Variants in YKT6 observed in about 807,000 individuals in gnomAD.
YKT6 encodes synaptobrevin homolog YKT6.
Under a neutral mutation model 29.3 loss-of-function variants are expected in YKT6, and 12 were observed. The observed-to-expected ratio is 0.41, with a 90% CI of 0.26 to 0.66. YKT6 has a LOEUF of 0.66. YKT6 is among the 30% of genes least tolerant of loss of function. The pLI, the probability that YKT6 is intolerant of heterozygous loss-of-function variation, is 0.32. For synonymous variants in YKT6, 86 were observed against 94.3 expected, an observed-to-expected ratio of 0.91 and a Z score of 0.51; for missense variants, 188 against 243.8, an observed-to-expected ratio of 0.77 and a Z score of 1.52.
chr7:44,212,007 G>A (rs1160365935), intron 6 of YKT6, among the ~76,000 whole-genome samples: 1 of 152,224 alleles, frequency 6.6e-6, no homozygotes, highest in South Asian at 2.1e-4. Context: ...TTAATGGGGT[G>A]TGAGAAAAGA....
chr7:44,212,206 C>A (rs370170333), intron 6 of YKT6, 41 bp from the exon 7 acceptor site: 1 of 1,613,658 alleles, frequency 6.2e-7, no homozygotes, highest in Non-Finnish European at 8.5e-7. Flanking sequence ...TCCCTTACTT[C>A]GTCAGTCCTC....
intron 1 of YKT6, among the ~76,000 whole-genome samples, chr7:44,203,856 A>T (rs1214974663): frequency 6.6e-6 from 1 of 152,008 alleles, no homozygotes; most frequent in Non-Finnish European, 1.5e-5. Context: ...TTTATATCAC[A>T]TCCTCAGTTG....
intron 5 of YKT6, among the ~76,000 whole-genome samples, chr7:44,209,325 G>A (rs937953318): frequency 1.3e-5 from 2 of 152,186 alleles, no homozygotes; most frequent in African/African-American, 4.8e-5. Context: ...TGTGCTGACT[G>A]CACTCCAAAT....
chr7:44,210,972 T>C, intron 5 of YKT6, 51 bp from the exon 6 acceptor site: 2 of 1,593,984 alleles, frequency 1.3e-6, no homozygotes, highest in Non-Finnish European at 1.7e-6. Flanking sequence ...GAGGGGCTCA[T>C]GTCAGGGCAC....
chr7:44,204,441 G>C, intron 1 of YKT6, 127 bp from the exon 2 acceptor site: 1 of 737,448 alleles, frequency 1.4e-6, no homozygotes, highest in Non-Finnish European at 2.3e-6. Flanking sequence ...TGTTACTAGG[G>C]ATGGGAGGGA....
chr7:44,211,235 A>C, intron 6 of YKT6, 111 bp downstream of exon 6: 1 of 951,798 alleles, frequency 1.1e-6, no homozygotes. Context: ...CTGTTGAATC[A>C]TGGTGGATGA....
intron 2 of YKT6, among the ~76,000 whole-genome samples, chr7:44,205,813 T>C (rs1483558836): frequency 6.6e-6 from 1 of 152,230 alleles, no homozygotes; most frequent in Non-Finnish European, 1.5e-5. Flanking sequence ...AGGCCTTAGC[T>C]GGCAGTAGCT....
intron 6 of YKT6, 125 bp downstream of exon 6, chr7:44,211,249 C>A: frequency 5.5e-6 from 5 of 916,938 alleles, no homozygotes; most frequent in Non-Finnish European, 8.1e-6. Context: ...TGGATGATTC[C>A]TTGTGCGGCA....
chr7:44,201,486 C>T (rs939065086), intron 1 of YKT6, among the ~76,000 whole-genome samples: 3 of 152,144 alleles, frequency 2.0e-5, no homozygotes, highest in African/African-American at 7.2e-5. Context: ...GGAATCTGGC[C>T]GTGGACTCTA....
chr7:44,209,608 A>C (rs1389466703), intron 5 of YKT6, among the ~76,000 whole-genome samples: 6 of 152,236 alleles, frequency 3.9e-5, no homozygotes, highest in African/African-American at 1.2e-4. Context: ...TATCTGAATC[A>C]GTTAACTTTC....
chr7:44,207,210 A>G (rs1275612938), intron 3 of YKT6, 178 bp from the exon 4 acceptor site: 11 of 507,862 alleles, frequency 2.2e-5, no homozygotes, highest in Non-Finnish European at 3.1e-5. Flanking sequence ...AAAAATTTGG[A>G]AAGAACTTTA....
At chr7:44,203,579 C>T (rs2096338045) in intron 1 of YKT6, among the ~76,000 whole-genome samples, 1 of 152,208 alleles carries the variant, frequency 6.6e-6, no homozygotes, top group Non-Finnish European at 1.5e-5. Flanking sequence ...ACTGCAAAGC[C>T]TTCCTTGTTT....
At chr7:44,207,599 C>T (rs2096342077) in intron 4 of YKT6, 107 bp downstream of exon 4, 1 of 907,134 alleles carries the variant, frequency 1.1e-6, no homozygotes, top group Non-Finnish European at 1.7e-6. Flanking sequence ...CTGACAGCTT[C>T]TGATGCTGGT....
chr7:44,202,489 A>G (rs2096336856), intron 1 of YKT6, among the ~76,000 whole-genome samples: 1 of 152,068 alleles, frequency 6.6e-6, no homozygotes, highest in Admixed American at 6.5e-5. Flanking sequence ...TGTGATTTTG[A>G]CTTTTCTGGC....
chr7:44,201,321 C>A, intron 1 of YKT6, 82 bp downstream of exon 1: 1 of 448,748 alleles, frequency 2.2e-6, no homozygotes, highest in Non-Finnish European at 3.5e-6. Flanking sequence ...GGCCTGGGGT[C>A]GGCGGAGGGA....
In YKT6 at chr7:44,212,249, C is replaced by T; in HGVS notation, c.564C>T (p.Ala188=). 1 of 1,613,982 alleles carries T rather than the reference C, an allele frequency of 6.2e-7. No homozygotes were observed. Among genetic ancestry groups the T allele is most frequent in the East Asian group, 2.2e-5 (1 of 44,882 alleles). The stretch of plus-strand genomic sequence containing the variant: ...GCTCCTCTTTGTTTTTTTCCAAGGC[C>T]CGGAAACAAAACTCATGCTGTGCCA... The part of the protein sequence containing the change: ...GTQSKAFYKT[A]RKQNSCCAIM Residue 188 remains alanine (A), a splice_region_variant and synonymous_variant, in exon 7 of 7, where the codon GCC becomes GCT. Coordinates refer to ENST00000223369, the MANE Select transcript of YKT6 (RefSeq NM_006555.4).
chr7:44,209,095 A>G (rs1227820338), intron 5 of YKT6, among the ~76,000 whole-genome samples: 3 of 152,224 alleles, frequency 2.0e-5, no homozygotes, highest in African/African-American at 4.8e-5. Flanking sequence ...GCACTGGGAC[A>G]TCTTTCCATC....
chr7:44,212,199 C>G (rs767258662), intron 6 of YKT6, 48 bp from the exon 7 acceptor site: 2 of 1,613,344 alleles, frequency 1.2e-6, no homozygotes, highest in East Asian at 2.2e-5. Context: ...TGGGGCTTCC[C>G]TTACTTCGTC....
At position 44,206,985 on chromosome 7, in the gene YKT6, T is replaced by C. The variant is rs73316001; in HGVS notation, c.289-403T>C. On this transcript the variant is annotated intron_variant, in intron 3 of 6. Coordinates refer to ENST00000223369, the MANE Select transcript of YKT6 (RefSeq NM_006555.4). ...CATCCTATACCCCAGAGCACCAAAA[T>C]ACCTCCAAACACATGGAATCTGGTG... Among the ~76,000 whole-genome samples the C allele has an allele frequency of 9.8e-3, 1,491 of 152,304 alleles. 35 individuals are homozygous for C. The highest frequency in any genetic ancestry group is 0.034 in the African/African-American group (1,406 of 41,558).
Sources: gnomAD v4.1 joint callset for allele counts (sites outside exome capture counted in the v4.1 genomes callset) on GRCh38, gnomAD v4.1.1 for gene constraint, MANE v1.5 for transcripts, NCBI Gene and HGNC (gene_info 2026-07-23, HGNC 2026-07-21) for gene names.